Variants in PCNT observed in about 807,000 individuals in gnomAD.
PCNT encodes kendrin.
PCNT carries 319 observed loss-of-function variants against 380.4 expected under a neutral mutation model. The observed-to-expected ratio is 0.84, with a 90% confidence interval of 0.77 to 0.92. The LOEUF (loss-of-function observed/expected upper bound fraction) is 0.92. Among genes scored for constraint, PCNT ranks in the 40% least tolerant of loss-of-function variants. The pLI, the probability that PCNT is intolerant of heterozygous loss-of-function variation, is 0.00. For synonymous variants in PCNT, 1,845 were observed against 1,735.2 expected (o/e 1.06, Z -1.57); for missense variants, 4,400 against 4,255.3 (o/e 1.03, Z -0.95).
intron 15 of PCNT, among the ~76,000 whole-genome samples, chr21:46,373,558 A>G (rs1314798442): frequency 6.7e-6 from 1 of 148,322 alleles, no homozygotes; most frequent in Admixed American, 6.8e-5. Flanking sequence ...CAGCCTCCCA[A>G]GTAGCTGGGA....
chr21:46,382,865 T>C lies in PCNT; in HGVS notation c.3312+1025T>C, dbSNP rs140109699. 7.0e-3 allele frequency among the ~76,000 whole-genome samples: 598 copies of C among 84,948 alleles called. 19 individuals carry two copies. Among genetic ancestry groups the C allele is most frequent in the African/African-American group, 0.032 (406 of 12,738 alleles). 55.7% of individuals were successfully genotyped at this position (84,948 alleles called of 152,430 possible). A position where few individuals can be genotyped will look rare whatever the true frequency, so the allele number is the denominator to read the frequency against. ...GCGTTCAGTGGCGGAAGCCCATTCATGGTGTTGTGCATTCAGTGGCGGAAG... is the reference window on the plus strand; with the variant it reads ...GCGTTCAGTGGCGGAAGCCCATTCACGGTGTTGTGCATTCAGTGGCGGAAG... On this transcript the variant is annotated intron_variant, in intron 16 of 46. Coordinates refer to ENST00000359568, the MANE Select transcript of PCNT (RefSeq NM_006031.6).
intron 3 of PCNT, among the ~76,000 whole-genome samples, chr21:46,338,619 T>C (rs1238764463): frequency 6.6e-6 from 1 of 151,572 alleles, no homozygotes; most frequent in Non-Finnish European, 1.5e-5. Flanking sequence ...TTTTTTTTTT[T>C]TTGAGACGGA....
At chr21:46,385,342 T>G (rs935765438) in intron 16 of PCNT, among the ~76,000 whole-genome samples, 2 of 152,072 alleles carry the variant, frequency 1.3e-5, no homozygotes, top group Non-Finnish European at 2.9e-5. Flanking sequence ...GGCAACAGAG[T>G]GAGACCCTGT....
intron 41 of PCNT, among the ~76,000 whole-genome samples, chr21:46,438,769 T>C (rs1270517234): frequency 6.6e-6 from 1 of 150,590 alleles, no homozygotes; most frequent in Non-Finnish European, 1.5e-5. Context: ...ACCTCCCAGG[T>C]TCAAGCAATT....
intron 45 of PCNT, 96 bp downstream of exon 45, chr21:46,444,044 C>T (rs2053685141): frequency 7.4e-7 from 1 of 1,348,190 alleles, no homozygotes; most frequent in Non-Finnish European, 1.0e-6. Flanking sequence ...CTGGCTTTGG[C>T]CCAGCCCAGG....
rs1438131651 is a variant in PCNT, at chr21:46,388,221, AAGAC to A, written c.3465-517_3465-514del. 1.3e-5 allele frequency among the ~76,000 whole-genome samples: 2 copies of A among 151,846 alleles called. No individual in the cohort carries two copies. The highest frequency in any genetic ancestry group is 1.5e-5 in the Non-Finnish European group (1 of 67,920). On this transcript the variant is annotated intron_variant, in intron 17 of 46. Transcript: ENST00000359568. The surrounding 1 kb of genome is among the most constrained non-coding windows in gnomAD (Gnocchi z 4.2). Reference sequence around the variant, plus strand: ...CGAGACTCCATCTCAAAAAAAAAAAAAGACAGAAGCATCCCAGACCGCACGTCCA... The same window carrying A: ...CGAGACTCCATCTCAAAAAAAAAAAAAGAAGCATCCCAGACCGCACGTCCA...
intron 15 of PCNT, among the ~76,000 whole-genome samples, chr21:46,373,164 A>C (rs563800295): frequency 1.3e-5 from 2 of 151,364 alleles, no homozygotes; most frequent in South Asian, 4.2e-4. Flanking sequence ...GGGACTACAG[A>C]TGTGCACCAC....
Position 46,438,086 on chromosome 21 carries a change from A to C in PCNT, c.9100-78A>C. The C allele has an allele frequency of 8.7e-6, 10 of 1,143,182 alleles. No homozygotes were observed. In the South Asian group the frequency reaches 1.2e-4, roughly 13 times the overall value. The allele number at this position is 1,143,182 out of a possible 1,614,324, so 70.8% of individuals were successfully genotyped here. On this transcript the variant is annotated intron_variant, in intron 40 of 46. Coordinates refer to ENST00000359568, the MANE Select transcript of PCNT (RefSeq NM_006031.6). ...CACATTAATTACAATCCCTAAAAAT[A>C]ACTGTTGACAAAAAACACAAGTAAT...
At chr21:46,440,251 G>T (rs752809005) in intron 42 of PCNT, 49 bp downstream of exon 42, 2 of 1,608,056 alleles carry the variant, frequency 1.2e-6, no homozygotes, top group South Asian at 2.2e-5. Context: ...TTTAAGTCCT[G>T]GGTTTGCAAA....
intron 9 of PCNT, 70 bp downstream of exon 9, chr21:46,351,610 C>T: frequency 1.1e-6 from 1 of 933,276 alleles, no homozygotes; most frequent in Non-Finnish European, 1.8e-6. Flanking sequence ...GTTGTAACAC[C>T]AAGCCAGAAT....
At chr21:46,402,283 G>A in intron 26 of PCNT, 48 bp from the exon 27 acceptor site, 1 of 1,239,014 alleles carries the variant, frequency 8.1e-7, no homozygotes, top group South Asian at 1.4e-5. Flanking sequence ...AATATTAATA[G>A]AATATTAGAT....
intron 39 of PCNT, among the ~76,000 whole-genome samples, chr21:46,436,469 G>GC (rs769557050): frequency 7.5e-5 from 3 of 40,032 alleles, no homozygotes; most frequent in Non-Finnish European, 5.8e-5. Flanking sequence ...AGCCTCCTGT[G>GC]GCCCCCCCCC....
rs576187743 is a variant in PCNT at position 46,422,049 on chromosome 21, T to C, written c.7104T>C (p.Pro2368=). The part of the protein sequence containing the change: ...PEAQTAGPVT[P]ASISGRFQPL... Reference sequence around the variant, plus strand: ...CTCAAACTGCTGGTCCTGTGACCCCTGCTTCCATCTCTGGAAGGTTTCAGC... The same window carrying C: ...CTCAAACTGCTGGTCCTGTGACCCCCGCTTCCATCTCTGGAAGGTTTCAGC... Residue 2368 remains proline, a synonymous_variant, in exon 32 of 47, where the codon CCT becomes CCC. Transcript: ENST00000359568. 7.0e-5 allele frequency: 113 copies of C among 1,614,022 alleles called. 1 individual carries two copies. The South Asian group carries it at 9.3e-4, about 13-fold the overall frequency.
Position 46,353,286 on chromosome 21 carries a change from G to C in PCNT, c.1639G>C (p.Gly547Arg), listed in dbSNP as rs2084343808. ...AACCCTGTTACAGCAGAGGCTGCAG[G>C]GGGCGAGGGAAGATGCTCTTCTGGA... ...DLTLLQQRLQGAREDALLDSV... is the reference protein window; with the variant it reads ...DLTLLQQRLQRAREDALLDSV... The change falls in exon 10 of 47, where the codon GGG (glycine) becomes CGG (arginine). Residue 547 changes from glycine (G) to arginine (R), a missense_variant. Transcript: ENST00000359568. The C allele has an allele frequency of 1.2e-6, 2 of 1,614,044 alleles. No homozygotes were observed. The highest frequency in any genetic ancestry group is 1.7e-6 in the Non-Finnish European group (2 of 1,180,044).
chr21:46,433,391 CAA>C (rs1357702874), intron 38 of PCNT, among the ~76,000 whole-genome samples: 2 of 152,104 alleles, frequency 1.3e-5, no homozygotes, highest in African/African-American at 4.8e-5. Context: ...CTCAAAAAAA[CAA>C]AAACACTCTT....
At chr21:46,383,726 T>C (rs533926029) in intron 16 of PCNT, among the ~76,000 whole-genome samples, 3 of 143,346 alleles carry the variant, frequency 2.1e-5, no homozygotes, top group South Asian at 2.4e-4. Context: ...GTATATTCAG[T>C]GATGGAAGCG....
In PCNT at chr21:46,346,951, A is replaced by G; in HGVS notation, c.929A>G (p.His310Arg). ...GAGCTGGAGCTCCTCAGGGAGCAGC[A>G]CGCACGGGAGAAGGAGGAGGTGGTG... ...QHELELLREQHAREKEEVVLR... is the reference protein window; with the variant it reads ...QHELELLREQRAREKEEVVLR... Residue 310 changes from histidine to arginine, a missense_variant, in exon 5 of 47, where the codon CAC becomes CGC. Physicochemically the swap from His to Arg is conservative, Grantham distance 29. Coordinates refer to ENST00000359568, the MANE Select transcript of PCNT (RefSeq NM_006031.6). 1 of 1,597,440 alleles carries G rather than the reference A, an allele frequency of 6.3e-7. No individual in the cohort carries two copies. Among genetic ancestry groups the G allele is most frequent in the Non-Finnish European group, 8.5e-7 (1 of 1,174,086 alleles).
At chr21:46,397,176 G>T (rs2086237585) in intron 21 of PCNT, 89 bp from the exon 22 acceptor site, 2 of 1,054,036 alleles carry the variant, frequency 1.9e-6, no homozygotes, top group Non-Finnish European at 2.9e-6. Flanking sequence ...GGTGGGTTTT[G>T]ACTGAATCAC....
chr21:46,396,566 G>A lies in PCNT; in HGVS notation c.4217-699G>A, dbSNP rs141158317. On this transcript the variant is annotated intron_variant, in intron 21 of 46. Coordinates refer to ENST00000359568, the MANE Select transcript of PCNT (RefSeq NM_006031.6). ...GTTAAATTTCAACATGAGTTTTGGA[G>A]GGGACAGAAATTTAAACTGTGGTAC... Among the ~76,000 whole-genome samples, 956 of 152,260 alleles carry A rather than the reference G, an allele frequency of 6.3e-3. 11 individuals carry two copies. Among genetic ancestry groups the A allele is most frequent in the African/African-American group, 0.022 (919 of 41,524 alleles).
Sources: allele counts gnomAD v4.1 joint callset (sites outside exome capture counted in the v4.1 genomes callset), GRCh38; gene constraint gnomAD v4.1.1; non-coding constraint Gnocchi (gnomAD v3.1); transcripts MANE v1.5; gene names NCBI Gene and HGNC (gene_info 2026-07-23, HGNC 2026-07-21).